CTNNAL1: variants seen among roughly 807,000 people sequenced by gnomAD.
CTNNAL1 encodes alpha-catulin.
CTNNAL1 carries 69 observed loss-of-function variants against 93.6 expected under a neutral mutation model. The observed-to-expected ratio is 0.74, with a 90% CI of 0.61 to 0.90. The LOEUF is 0.90. Ranked by LOEUF, CTNNAL1 falls within the 40% of genes least tolerant of loss-of-function variation. The probability of loss-of-function intolerance (pLI) is 0.00; values close to 1 mark genes in which losing one functional copy is unlikely to be tolerated. For synonymous variants in CTNNAL1, 286 were observed against 305.4 expected (o/e 0.94, Z 0.66); for missense variants, 836 against 862.0 (o/e 0.97, Z 0.38).
intron 1 of CTNNAL1, among the ~76,000 whole-genome samples, chr9:109,005,560 A>G (rs1468941596): frequency 6.6e-6 from 1 of 152,180 alleles, no homozygotes; most frequent in East Asian, 1.9e-4. Flanking sequence ...CTGAGAGAAC[A>G]GTGAGAAGAC....
At chr9:108,967,688 C>T (rs1347065230) in intron 10 of CTNNAL1, among the ~76,000 whole-genome samples, 1 of 152,024 alleles carries the variant, frequency 6.6e-6, no homozygotes, top group Non-Finnish European at 1.5e-5. Flanking sequence ...ACAGGAAAAT[C>T]GAGGGGAAGT....
chr9:108,981,728 C>T (rs1302224703), intron 6 of CTNNAL1, among the ~76,000 whole-genome samples: 1 of 152,082 alleles, frequency 6.6e-6, no homozygotes, highest in East Asian at 1.9e-4. Context: ...AGTTCGAGAC[C>T]AGCCTGGCCA....
Position 108,984,444 on chromosome 9 carries a change from T to G in CTNNAL1, c.640-8A>C. On this transcript the variant is annotated splice_region_variant and splice_polypyrimidine_tract_variant and intron_variant, in intron 4 of 18. Transcript: ENST00000325551. ...CTTTTCATCTTTCAAATCCTAAATA[T>G]GAAATAAAATCACGGAGGAGTCTAA... is the stretch of plus-strand genomic sequence containing the variant. 6.4e-7 allele frequency: 1 copy of G among 1,557,228 alleles called. No individual in the cohort carries two copies. Among genetic ancestry groups the G allele is most frequent in the African/African-American group, 1.4e-5 (1 of 73,628 alleles).
intron 2 of CTNNAL1, among the ~76,000 whole-genome samples, chr9:108,994,421 G>A (rs1831939334): frequency 6.6e-6 from 1 of 152,156 alleles, no homozygotes; most frequent in Non-Finnish European, 1.5e-5. Context: ...CCTGACCAAT[G>A]ATAAGAAGGA....
At chr9:108,992,501 C>T (rs377029453) in intron 3 of CTNNAL1, 131 bp downstream of exon 3, 2 of 1,173,310 alleles carry the variant, frequency 1.7e-6, no homozygotes, top group African/African-American at 1.6e-5. Flanking sequence ...TCCTGCATTG[C>T]ACATTAATTC....
intron 11 of CTNNAL1, among the ~76,000 whole-genome samples, chr9:108,958,997 C>T (rs1830755903): frequency 6.6e-6 from 1 of 150,386 alleles, no homozygotes; most frequent in Non-Finnish European, 1.5e-5. Flanking sequence ...GGCACGGTGG[C>T]TCATGTTCAT....
chr9:109,002,183 G>C (rs1417329641), intron 1 of CTNNAL1, among the ~76,000 whole-genome samples: 1 of 152,120 alleles, frequency 6.6e-6, no homozygotes, highest in Non-Finnish European at 1.5e-5. Flanking sequence ...CCAGGATCAA[G>C]GCACCAACAG....
intron 14 of CTNNAL1, among the ~76,000 whole-genome samples, chr9:108,949,144 G>T (rs1830485933): frequency 1.3e-5 from 2 of 151,930 alleles, no homozygotes; most frequent in African/African-American, 4.8e-5. Flanking sequence ...CCTGAAGAAG[G>T]GCTATAAATC....
chr9:108,945,821 G>A (rs182960491), intron 15 of CTNNAL1, among the ~76,000 whole-genome samples: 196 of 152,190 alleles, frequency 1.3e-3, no homozygotes, highest in Admixed American at 2.2e-3. Flanking sequence ...GGTTGAATCT[G>A]CAGATGCAAA....
At chr9:109,002,714 G>T (rs554518677) in intron 1 of CTNNAL1, among the ~76,000 whole-genome samples, 1 of 152,118 alleles carries the variant, frequency 6.6e-6, no homozygotes, top group African/African-American at 2.4e-5. Context: ...CGTGCATGGT[G>T]GCTTACGCCT....
chr9:108,980,040 C>T (rs1831383651), intron 6 of CTNNAL1, among the ~76,000 whole-genome samples: 1 of 152,204 alleles, frequency 6.6e-6, no homozygotes, highest in Non-Finnish European at 1.5e-5. Context: ...ACATCCTCTA[C>T]CAGAGGGTCT....
chr9:108,999,227 A>T lies in CTNNAL1; in HGVS notation c.171T>A (p.Asn57Lys), dbSNP rs1199329222. The change falls in exon 2 of 19, where the codon AAT becomes AAA. Residue 57 changes from asparagine (N) to lysine (K), a missense_variant. Transcript: ENST00000325551. Reference sequence around the variant, plus strand: ...GCAGAGTTTTATCAGACTTTTTGGTATTATCTTTATGATTAATAAGCGTGG... The same window carrying T: ...GCAGAGTTTTATCAGACTTTTTGGTTTTATCTTTATGATTAATAAGCGTGG... ...QITTLINHKDNTKKSDKTLQA... is the reference protein window; with the variant it reads ...QITTLINHKDKTKKSDKTLQA... 6.2e-7 allele frequency: 1 copy of T among 1,606,004 alleles called. No individual in the cohort carries two copies. Among genetic ancestry groups the T allele is most frequent in the Non-Finnish European group, 8.5e-7 (1 of 1,177,660 alleles).
At position 108,990,707 on chromosome 9, in the gene CTNNAL1, A is replaced by G; in HGVS notation, c.639+19T>C. 1 of 1,605,056 alleles carries G rather than the reference A, an allele frequency of 6.2e-7. No individual in the cohort carries two copies. Among genetic ancestry groups the G allele is most frequent in the Non-Finnish European group, 8.5e-7 (1 of 1,176,514 alleles). On this transcript the variant is annotated intron_variant, in intron 4 of 18. Coordinates refer to ENST00000325551, the MANE Select transcript of CTNNAL1 (RefSeq NM_003798.4). ...AGTATGTATTTATCTGAAGATTGTA[A>G]AATGTGATGAATACATACATTTTGT... is the stretch of plus-strand genomic sequence containing the variant.
chr9:108,989,630 ACCTG>A, intron 4 of CTNNAL1, among the ~76,000 whole-genome samples: 1 of 152,298 alleles, frequency 6.6e-6, no homozygotes, highest in Admixed American at 6.5e-5. Flanking sequence ...TATATATTTA[ACCTG>A]CCAACAAGAC....
chr9:108,943,855 A>C, intron 16 of CTNNAL1, 39 bp from the exon 17 acceptor site: 3 of 1,607,452 alleles, frequency 1.9e-6, no homozygotes, highest in Non-Finnish European at 2.6e-6. Flanking sequence ...GCCCGCAACA[A>C]AACTCCATCT....
rs759023491 is a variant in CTNNAL1 at position 108,942,641 on chromosome 9, T to C, written c.*128A>G. The C allele has an allele frequency of 2.9e-6, 2 of 685,052 alleles. No homozygotes were observed. Among genetic ancestry groups the C allele is most frequent in the East Asian group, 2.7e-5 (1 of 36,576 alleles). The allele number at this position is 685,052 out of a possible 1,614,324, so 42.4% of individuals were successfully genotyped here. The stretch of plus-strand genomic sequence containing the variant: ...TACAATCAGTTTCATGATCAGAAAA[T>C]AGAGCAAAATTTCAATATTGTTTTC... On this transcript the variant is annotated 3_prime_UTR_variant, in exon 19 of 19. Transcript: ENST00000325551.
At chr9:108,972,864 G>GGGGGCC in intron 8 of CTNNAL1, 31 bp from the exon 9 acceptor site, 13 of 142,514 alleles carry the variant, frequency 9.1e-5, no homozygotes, top group Non-Finnish European at 1.3e-4. Context: ...GGGGGGGTGG[G>GGGGGCC]AGGGTGGAGA....
chr9:108,996,658 T>C (rs184715873), intron 2 of CTNNAL1, among the ~76,000 whole-genome samples: 8 of 152,296 alleles, frequency 5.3e-5, no homozygotes, highest in Non-Finnish European at 5.9e-5. Context: ...TCCTTTTGTT[T>C]AAAAATACTG....
chr9:108,954,186 T>G (rs996139615), intron 12 of CTNNAL1, among the ~76,000 whole-genome samples: 16 of 152,166 alleles, frequency 1.1e-4, no homozygotes, highest in African/African-American at 3.6e-4. Context: ...TGGACACTAT[T>G]TTGGAATGCA....
Sources: allele counts gnomAD v4.1 joint callset (sites outside exome capture counted in the v4.1 genomes callset), GRCh38; gene constraint gnomAD v4.1.1; transcripts MANE v1.5; gene names NCBI Gene and HGNC (gene_info 2026-07-23, HGNC 2026-07-21).